Variants in UBE2D2 observed in about 807,000 individuals in gnomAD.
UBE2D2 encodes ubiquitin conjugating enzyme E2 D2, also known as ubiquitin-conjugating enzyme E2 D2.
Under a neutral mutation model 24.2 loss-of-function variants are expected in UBE2D2, and 2 were observed. The observed-to-expected ratio is 0.08, with a 90% CI of 0.03 to 0.26. The LOEUF is 0.26. UBE2D2 is among the 10% of genes least tolerant of loss of function. The pLI is 1.00. For missense variants in UBE2D2, 44 were observed against 177.6 expected (o/e 0.25, Z 4.28); for synonymous variants, 58 against 56.5 (o/e 1.03, Z -0.12).
chr5:139,622,066 CTG>C (rs1188567241), intron 5 of UBE2D2, among the ~76,000 whole-genome samples: 1 of 152,150 alleles, frequency 6.6e-6, no homozygotes, highest in African/African-American at 2.4e-5. Flanking sequence ...GTCACTGCAC[CTG>C]TCTGGGCCAG....
intron 1 of UBE2D2, among the ~76,000 whole-genome samples, chr5:139,537,172 G>A (rs1263941117): frequency 6.9e-6 from 1 of 145,064 alleles, no homozygotes; most frequent in African/African-American, 2.6e-5. Flanking sequence ...GACAGAGCGA[G>A]ACTCTGTCTC....
At chr5:139,542,666 C>T (rs1338758295) in intron 1 of UBE2D2, among the ~76,000 whole-genome samples, 1 of 152,046 alleles carries the variant, frequency 6.6e-6, no homozygotes, top group Non-Finnish European at 1.5e-5. Flanking sequence ...ATAGAACACT[C>T]AGGTTCATAG....
At chr5:139,585,119 C>T (rs764892802) in intron 1 of UBE2D2, among the ~76,000 whole-genome samples, 27 of 151,742 alleles carry the variant, frequency 1.8e-4, no homozygotes, top group Admixed American at 3.3e-4. Context: ...AGGCTGGTCT[C>T]GAACTCCGCA....
intron 5 of UBE2D2, among the ~76,000 whole-genome samples, chr5:139,616,659 G>A (rs1754427076): frequency 6.6e-6 from 1 of 152,108 alleles, no homozygotes; most frequent in African/African-American, 2.4e-5. Context: ...TCAAGTAGAG[G>A]TATAGATTTG....
At chr5:139,539,884 A>G (rs1225737869) in intron 1 of UBE2D2, among the ~76,000 whole-genome samples, 1 of 152,016 alleles carries the variant, frequency 6.6e-6, no homozygotes, top group East Asian at 1.9e-4. Flanking sequence ...GGTGTGAGCC[A>G]CTGTGCCCGG....
chr5:139,552,224 G>A (rs571350160), intron 1 of UBE2D2, among the ~76,000 whole-genome samples: 12 of 150,488 alleles, frequency 8.0e-5, no homozygotes, highest in African/African-American at 2.4e-4. Flanking sequence ...GTATAGTGGC[G>A]TTATCTGGGC....
chr5:139,626,443 TTTAAA>T (rs1754630838), intron 6 of UBE2D2, among the ~76,000 whole-genome samples: 4 of 152,222 alleles, frequency 2.6e-5, no homozygotes, highest in Admixed American at 2.0e-4. Flanking sequence ...TTTCAAGTAC[TTTAAA>T]TGAATGAATT....
At chr5:139,548,193 A>AAAAAAAAAAAAAAAATAAATAAATAAAT in intron 1 of UBE2D2, among the ~76,000 whole-genome samples, 8 of 47,094 alleles carry the variant, frequency 1.7e-4, no homozygotes, top group Non-Finnish European at 3.0e-4. Flanking sequence ...ATAAAAAAAA[A>AAAAAAAAAAAAAAAATAAATAAATAAAT]AAATAAATAA....
chr5:139,602,320 G>C (rs1158262262), intron 2 of UBE2D2, among the ~76,000 whole-genome samples: 1 of 152,162 alleles, frequency 6.6e-6, no homozygotes, highest in African/African-American at 2.4e-5. Flanking sequence ...CCAAAGTTCT[G>C]GAATTACAGG....
At chr5:139,604,046 A>G (rs1340936692) in intron 2 of UBE2D2, among the ~76,000 whole-genome samples, 1 of 152,198 alleles carries the variant, frequency 6.6e-6, no homozygotes, top group Admixed American at 6.6e-5. Flanking sequence ...GCTGCAAATG[A>G]TGCCATCACG....
intron 1 of UBE2D2, among the ~76,000 whole-genome samples, chr5:139,568,964 C>T (rs931173734): frequency 2.6e-5 from 4 of 151,196 alleles, no homozygotes; most frequent in African/African-American, 4.9e-5. Context: ...AGCAAGACTC[C>T]GTCTCAAAAA....
At chr5:139,603,481 G>T (rs186019169) in intron 2 of UBE2D2, among the ~76,000 whole-genome samples, 3 of 151,720 alleles carry the variant, frequency 2.0e-5, no homozygotes, top group African/African-American at 7.3e-5. Context: ...AAATTAGCTG[G>T]GCGCGGTGGC....
chr5:139,534,817 T>C (rs538523850), intron 1 of UBE2D2, among the ~76,000 whole-genome samples: 3 of 152,190 alleles, frequency 2.0e-5, no homozygotes, highest in Admixed American at 6.5e-5. Flanking sequence ...ATATTTCCTA[T>C]AGTATTGTTT....
intron 5 of UBE2D2, 60 bp from the exon 6 acceptor site, chr5:139,623,308 T>C: frequency 1.6e-6 from 2 of 1,287,100 alleles, no homozygotes; most frequent in Non-Finnish European, 2.2e-6. Context: ...TGGCGTCTCA[T>C]GTTTCTCTCA....
At chr5:139,603,909 A>T (rs995763417) in intron 2 of UBE2D2, among the ~76,000 whole-genome samples, 4 of 152,076 alleles carry the variant, frequency 2.6e-5, no homozygotes, top group African/African-American at 9.7e-5. Context: ...AGATCACGCC[A>T]TTGCACTCCA....
intron 1 of UBE2D2, among the ~76,000 whole-genome samples, chr5:139,553,419 A>C (rs1355965033): frequency 6.6e-6 from 1 of 152,108 alleles, no homozygotes; most frequent in Non-Finnish European, 1.5e-5. Flanking sequence ...TATTAATGAG[A>C]CTGTTGTCCT....
chr5:139,558,437 G>A (rs1753008949), upstream of UBE2D2, among the ~76,000 whole-genome samples: 1 of 152,090 alleles, frequency 6.6e-6, no homozygotes, highest in Non-Finnish European at 1.5e-5. Flanking sequence ...ACAGGCGCCC[G>A]CCAACCAAGC....
chr5:139,606,495 T>C (rs1206421527), intron 2 of UBE2D2, among the ~76,000 whole-genome samples: 1 of 152,140 alleles, frequency 6.6e-6, no homozygotes, highest in Non-Finnish European at 1.5e-5. Context: ...TCATCCAGAA[T>C]ACTAAAGAGT....
intron 1 of UBE2D2, among the ~76,000 whole-genome samples, chr5:139,530,988 G>T (rs1752590440): frequency 6.6e-6 from 1 of 152,104 alleles, no homozygotes; most frequent in Admixed American, 6.5e-5. Context: ...AGCATACTAT[G>T]TAAATCACTA....
Sources: allele counts gnomAD v4.1 joint callset (sites outside exome capture counted in the v4.1 genomes callset), GRCh38; gene constraint gnomAD v4.1.1; transcripts MANE v1.5; gene names NCBI Gene and HGNC (gene_info 2026-07-23, HGNC 2026-07-21).